The following CDC40 variants were observed in gnomAD, a reference collection of about 807,000 sequenced individuals.
CDC40 encodes cell division cycle 40.
A neutral mutation model predicts 80.6 loss-of-function variants in CDC40; 27 were observed. That is an observed-to-expected ratio of 0.33 (90% confidence interval 0.25 to 0.46). The LOEUF (loss-of-function observed/expected upper bound fraction) is 0.46, where lower values mean the gene tolerates loss of function less well. Among genes scored for constraint, CDC40 ranks in the 20% least tolerant of loss-of-function variants. The pLI is 1.00. For missense variants in CDC40, 486 were observed against 694.1 expected (o/e 0.70, Z 3.37); for synonymous variants, 221 against 232.6 (o/e 0.95, Z 0.45).
chr6:110,188,126 A>T (rs1248846639), intron 1 of CDC40, among the ~76,000 whole-genome samples: 2 of 152,308 alleles, frequency 1.3e-5, no homozygotes, highest in African/African-American at 4.8e-5. Context: ...TGTACTTTGC[A>T]TTTAAAAATT....
At chr6:110,197,652 C>A (rs1777435966) in intron 2 of CDC40, among the ~76,000 whole-genome samples, 1 of 127,754 alleles carries the variant, frequency 7.8e-6, no homozygotes, top group South Asian at 2.8e-4. Context: ...ATGAGGTCAA[C>A]TTTTTGAATC....
chr6:110,201,836 T>G, intron 3 of CDC40, 149 bp downstream of exon 3: 1 of 498,536 alleles, frequency 2.0e-6, no homozygotes, highest in South Asian at 4.5e-5. Context: ...CCTTAAATAT[T>G]TATATAAATG....
chr6:110,217,696 C>T lies in CDC40; in HGVS notation c.989-6C>T, dbSNP rs772610438. ...TCATTGCTGTTTCTGTTGACTCCAC[C>T]TTTAGGTCACAGTAAGGCTGTTAGG... On this transcript the variant is annotated splice_region_variant and splice_polypyrimidine_tract_variant and intron_variant, in intron 9 of 14. Transcript: ENST00000307731. 4.2e-6 allele frequency: 6 copies of T among 1,431,888 alleles called. No individual in the cohort carries two copies. Among genetic ancestry groups the T allele is most frequent in the Non-Finnish European group, 5.9e-6 (6 of 1,013,968 alleles). 88.7% of individuals were successfully genotyped at this position (1,431,888 alleles called of 1,614,324 possible).
At chr6:110,194,957 A>G (rs557151908) in intron 2 of CDC40, among the ~76,000 whole-genome samples, 77 of 152,254 alleles carry the variant, frequency 5.1e-4, no homozygotes, top group Non-Finnish European at 7.9e-4. Context: ...CAGTCCTTTA[A>G]TGTTCTTTTT....
intron 12 of CDC40, among the ~76,000 whole-genome samples, chr6:110,220,408 G>A (rs566428515): frequency 6.6e-6 from 1 of 151,472 alleles, no homozygotes; most frequent in South Asian, 2.1e-4. Context: ...ACATGGCTAG[G>A]GAGGCCCCAC....
At chr6:110,197,825 T>G (rs533514620) in intron 2 of CDC40, among the ~76,000 whole-genome samples, 11 of 152,296 alleles carry the variant, frequency 7.2e-5, no homozygotes, top group Non-Finnish European at 1.5e-4. Flanking sequence ...CTTTATGCAT[T>G]CAAACATTGA....
chr6:110,197,405 G>T (rs1377445071), intron 2 of CDC40, among the ~76,000 whole-genome samples: 1 of 152,056 alleles, frequency 6.6e-6, no homozygotes, highest in African/African-American at 2.4e-5. Context: ...ATTAACATAT[G>T]CATTACTTCA....
At chr6:110,182,958 A>T (rs1486545684) in intron 1 of CDC40, among the ~76,000 whole-genome samples, 1 of 152,084 alleles carries the variant, frequency 6.6e-6, no homozygotes, top group East Asian at 1.9e-4. Context: ...GTGATTTCTA[A>T]GTTTTTTTGG....
chr6:110,194,673 G>A (rs976451479), intron 2 of CDC40, among the ~76,000 whole-genome samples: 5 of 152,086 alleles, frequency 3.3e-5, no homozygotes, highest in African/African-American at 4.8e-5. Flanking sequence ...ACTGAAGAGA[G>A]GTTGTGTATT....
intron 10 of CDC40, among the ~76,000 whole-genome samples, chr6:110,218,502 C>T (rs1427161749): frequency 6.6e-6 from 1 of 152,156 alleles, no homozygotes; most frequent in Non-Finnish European, 1.5e-5. Flanking sequence ...GCTTAAAGAG[C>T]TAACTTTTTC....
intron 1 of CDC40, among the ~76,000 whole-genome samples, chr6:110,187,285 T>G (rs1777286173): frequency 6.6e-6 from 1 of 152,248 alleles, no homozygotes. Flanking sequence ...TAAGTGACTT[T>G]AAGGTTACAA....
rs191602078 is a variant in CDC40, at chr6:110,219,198, A to G, written c.1091-166A>G. Among the ~76,000 whole-genome samples the G allele has an allele frequency of 4.6e-5, 7 of 152,284 alleles. No individual in the cohort carries two copies. The East Asian group carries it at 1.3e-3, about 29-fold the overall frequency. ...TTTACTTTTGAAAAAATTATTTTTAATCATTAAAAATCTGTGAAAAAGAAC... is the reference window on the plus strand; with the variant it reads ...TTTACTTTTGAAAAAATTATTTTTAGTCATTAAAAATCTGTGAAAAAGAAC... On this transcript the variant is annotated intron_variant, in intron 10 of 14. Transcript: ENST00000307731.
chr6:110,217,506 GA>G (rs1562206162), intron 9 of CDC40, among the ~76,000 whole-genome samples, 195 bp from the exon 10 acceptor site: 2 of 151,784 alleles, frequency 1.3e-5, no homozygotes, highest in African/African-American at 2.4e-5. Context: ...TCTTCAAGGG[GA>G]AAAAAACGCC....
intron 14 of CDC40, 122 bp from the exon 15 acceptor site, chr6:110,229,832 T>C (rs1372401059): frequency 3.2e-6 from 2 of 621,732 alleles, no homozygotes; most frequent in Admixed American, 3.0e-5. Context: ...TTCTGAGTAT[T>C]GTATATTTGC....
rs1314759766 is a variant in CDC40 at position 110,215,339 on chromosome 6, T to C, written c.988+8T>C. ...GTCTGAGAACATTTATTGGTAATGC[T>C]TCTTTTCTCTCCAACATAAATCTGG... is the stretch of plus-strand genomic sequence containing the variant. On this transcript the variant is annotated splice_region_variant and intron_variant, in intron 9 of 14. Transcript: ENST00000307731. 6.2e-7 allele frequency: 1 copy of C among 1,608,308 alleles called. No homozygotes were observed. Among genetic ancestry groups the C allele is most frequent in the South Asian group, 1.1e-5 (1 of 90,962 alleles).
rs747375383 is a variant in CDC40 at position 110,207,540 on chromosome 6, A to G, written c.441A>G (p.Gln147=). The G allele has an allele frequency of 2.5e-6, 4 of 1,605,342 alleles. No individual in the cohort carries two copies. The highest frequency in any genetic ancestry group is 3.4e-6 in the Non-Finnish European group (4 of 1,172,782). The change falls in exon 4 of 15, where the codon CAA becomes CAG. Residue 147 remains glutamine (Q), a synonymous_variant. Coordinates refer to ENST00000307731, the MANE Select transcript of CDC40 (RefSeq NM_015891.3). ...YALDPSLDNH[Q]VSAKYIGSVE... Reference sequence around the variant, plus strand: ...TAGACCCTTCATTAGATAATCATCAAGTGTCTGCTAAATATATTGGTTCTG... The same window carrying G: ...TAGACCCTTCATTAGATAATCATCAGGTGTCTGCTAAATATATTGGTTCTG...
At chr6:110,197,332 A>G (rs923507131) in intron 2 of CDC40, among the ~76,000 whole-genome samples, 8 of 152,240 alleles carry the variant, frequency 5.3e-5, no homozygotes, top group African/African-American at 7.2e-5. Flanking sequence ...AAAATTGTAT[A>G]TATTTACAAT....
chr6:110,190,647 G>A (rs1777334519), intron 1 of CDC40, among the ~76,000 whole-genome samples: 1 of 152,126 alleles, frequency 6.6e-6, no homozygotes, highest in Non-Finnish European at 1.5e-5. Context: ...CCACGTTGGT[G>A]GTCACATAGT....
chr6:110,225,548 T>G (rs1004418631), intron 12 of CDC40, among the ~76,000 whole-genome samples: 1 of 152,036 alleles, frequency 6.6e-6, no homozygotes, highest in Non-Finnish European at 1.5e-5. Flanking sequence ...CATTTATTTA[T>G]CATCATTTAT....
Sources: allele counts gnomAD v4.1 joint callset (sites outside exome capture counted in the v4.1 genomes callset), GRCh38; gene constraint gnomAD v4.1.1; transcripts MANE v1.5; gene names NCBI Gene and HGNC (gene_info 2026-07-23, HGNC 2026-07-21).